ZC3H12B: variants seen among roughly 807,000 people sequenced by gnomAD.
ZC3H12B encodes the protein probable ribonuclease ZC3H12B.
In ZC3H12B, 7 loss-of-function variants were observed where a neutral mutation model predicts 43.9. The observed-to-expected ratio is 0.16, with a 90% CI of 0.09 to 0.30. ZC3H12B has a LOEUF of 0.30. Ranked by LOEUF, ZC3H12B falls within the 10% of genes least tolerant of loss-of-function variation. ZC3H12B has a pLI of 1.00. For missense variants in ZC3H12B, 475 were observed against 670.2 expected (o/e 0.71, Z 3.22); for synonymous variants, 222 against 241.7 (o/e 0.92, Z 0.76).
chrX:65,452,741 T>C (rs999710148), intron 3 of ZC3H12B, among the ~76,000 whole-genome samples: 14 of 109,719 alleles, frequency 1.3e-4, no homozygotes, highest in African/African-American at 4.3e-4. Context: ...CTCGGGAGGC[T>C]GAGGCAGGAG....
chrX:65,320,271 C>A, the ZC3H12B span, among the ~76,000 whole-genome samples: 2 of 111,171 alleles, frequency 1.8e-5, no homozygotes, highest in African/African-American at 3.3e-5. Flanking sequence ...AAGCCAAGAA[C>A]CAAATCAACA....
intron 2 of ZC3H12B, among the ~76,000 whole-genome samples, chrX:65,383,390 G>A (rs2066472464): frequency 8.9e-6 from 1 of 111,790 alleles, no homozygotes; most frequent in South Asian, 3.8e-4. Context: ...TGGGAAAACT[G>A]GCTAGCCATA....
the ZC3H12B span, among the ~76,000 whole-genome samples, chrX:65,285,295 A>G: frequency 1.8e-5 from 2 of 110,048 alleles, no homozygotes; most frequent in Non-Finnish European, 3.8e-5. Flanking sequence ...TTGAGTGCCC[A>G]AAGTCCATGG....
the ZC3H12B span, among the ~76,000 whole-genome samples, chrX:65,346,141 A>C: frequency 4.5e-5 from 5 of 111,230 alleles, no homozygotes; most frequent in Non-Finnish European, 7.5e-5. Context: ...TATGGAACCA[A>C]AGAAACACCC....
the ZC3H12B span, among the ~76,000 whole-genome samples, chrX:65,233,247 G>A: frequency 9.0e-6 from 1 of 111,498 alleles, no homozygotes; most frequent in African/African-American, 3.3e-5. Flanking sequence ...GACCAAATGG[G>A]CCAAATAGAC....
At chrX:65,388,663 G>T (rs759991876) in intron 2 of ZC3H12B, among the ~76,000 whole-genome samples, 3 of 111,800 alleles carry the variant, frequency 2.7e-5, no homozygotes, top group Admixed American at 9.5e-5. Flanking sequence ...TTCTCCATCC[G>T]GGTTTGTTCC....
At chrX:65,231,586 A>G in the ZC3H12B span, among the ~76,000 whole-genome samples, 1 of 111,096 alleles carries the variant, frequency 9.0e-6, no homozygotes, top group African/African-American at 3.3e-5. Context: ...TTCCTTCTCC[A>G]GGGTCTCAAT....
the ZC3H12B span, among the ~76,000 whole-genome samples, chrX:65,166,282 A>T: frequency 9.0e-6 from 1 of 111,004 alleles, no homozygotes; most frequent in Non-Finnish European, 1.9e-5. Flanking sequence ...CCTATGAGTG[A>T]GAACATGCAG....
intron 2 of ZC3H12B, among the ~76,000 whole-genome samples, chrX:65,370,493 T>C (rs1452151858): frequency 8.9e-6 from 1 of 112,018 alleles, no homozygotes; most frequent in East Asian, 2.8e-4. Context: ...TATCATAATG[T>C]GAGGAGAAAT....
chrX:65,161,739 A>G, the ZC3H12B span, among the ~76,000 whole-genome samples: 1 of 111,939 alleles, frequency 8.9e-6, no homozygotes, highest in African/African-American at 3.3e-5. Context: ...GTGTCTTTTA[A>G]TTGGAGCATT....
the ZC3H12B span, among the ~76,000 whole-genome samples, chrX:65,175,483 G>T: frequency 1.6e-4 from 18 of 111,823 alleles, no homozygotes; most frequent in Admixed American, 2.9e-4. Context: ...AAAATATAAA[G>T]ATTGAAATGT....
chrX:65,210,872 G>A, the ZC3H12B span, among the ~76,000 whole-genome samples: 1 of 45,290 alleles, frequency 2.2e-5, no homozygotes, highest in East Asian at 6.3e-4. Context: ...TGAACAATGA[G>A]ATCACATGGA....
At chrX:65,438,859 AT>A (rs1240428438) in intron 3 of ZC3H12B, among the ~76,000 whole-genome samples, 1 of 113,099 alleles carries the variant, frequency 8.8e-6, no homozygotes, top group Non-Finnish European at 1.9e-5. Flanking sequence ...CATTATGGAC[AT>A]GTTACATTGC....
At chrX:65,196,942 A>ATCGCC in the ZC3H12B span, among the ~76,000 whole-genome samples, 1 of 112,044 alleles carries the variant, frequency 8.9e-6, no homozygotes, top group South Asian at 3.8e-4. Flanking sequence ...GTAATGCAAG[A>ATCGCC]ATGGCAAAGC....
chrX:65,172,004 T>A, the ZC3H12B span, among the ~76,000 whole-genome samples: 1 of 112,339 alleles, frequency 8.9e-6, no homozygotes, highest in Non-Finnish European at 1.9e-5. Context: ...TGAGGCGATA[T>A]CCCGCCCTGC....
At chrX:65,130,534 G>T in the ZC3H12B span, among the ~76,000 whole-genome samples, 1 of 110,569 alleles carries the variant, frequency 9.0e-6, no homozygotes, top group South Asian at 3.8e-4. Flanking sequence ...AAGGGAGGGG[G>T]CCTGAACAAT....
the ZC3H12B span, among the ~76,000 whole-genome samples, chrX:65,139,616 GAAA>G: frequency 1.1e-5 from 1 of 87,958 alleles, no homozygotes; most frequent in Admixed American, 1.0e-4. Flanking sequence ...ATATTTCTAT[GAAA>G]AAAGTCATTG....
the ZC3H12B span, among the ~76,000 whole-genome samples, chrX:65,343,061 T>A: frequency 1.1e-4 from 12 of 109,507 alleles, no homozygotes; most frequent in Non-Finnish European, 1.7e-4. Context: ...AACTAGAAAA[T>A]CTAGAAAAAA....
chrX:65,041,743 G>T, the ZC3H12B span, among the ~76,000 whole-genome samples: 2 of 112,053 alleles, frequency 1.8e-5, no homozygotes, highest in Non-Finnish European at 3.8e-5. Flanking sequence ...TCTAAAAGTA[G>T]TAAAACTTCA....
Sources: gnomAD v4.1 joint callset for allele counts (sites outside exome capture counted in the v4.1 genomes callset) on GRCh38, gnomAD v4.1.1 for gene constraint, MANE v1.5 for transcripts, NCBI Gene and HGNC (gene_info 2026-07-23, HGNC 2026-07-21) for gene names.